The following RAB7A variants were observed in gnomAD, a reference collection of about 807,000 sequenced individuals.
RAB7A encodes ras-related protein Rab-7a.
RAB7A carries 2 observed loss-of-function variants against 24.5 expected under a neutral mutation model. The observed-to-expected ratio is 0.08, with a 90% CI of 0.03 to 0.26. The LOEUF is 0.26. Ranked by LOEUF, RAB7A falls within the 10% of genes least tolerant of loss-of-function variation. The probability of loss-of-function intolerance (pLI) is 1.00; values close to 1 mark genes in which losing one functional copy is unlikely to be tolerated. For missense variants in RAB7A, 118 were observed against 255.7 expected (o/e 0.46, Z 3.67); for synonymous variants, 100 against 95.9 (o/e 1.04, Z -0.25).
At chr3:128,745,985 C>T (rs1000910556) in intron 1 of RAB7A, among the ~76,000 whole-genome samples, 2 of 152,208 alleles carry the variant, frequency 1.3e-5, no homozygotes, top group East Asian at 1.9e-4. Flanking sequence ...GGCTGACCTG[C>T]CATGCTGTAT....
chr3:128,800,555 A>G (rs1933677039), intron 3 of RAB7A, among the ~76,000 whole-genome samples: 1 of 152,190 alleles, frequency 6.6e-6, no homozygotes, highest in Admixed American at 6.5e-5. Flanking sequence ...AATTCCAGGA[A>G]GGATAAATAA....
At chr3:128,746,319 C>A (rs572620469) in intron 1 of RAB7A, among the ~76,000 whole-genome samples, 1 of 152,150 alleles carries the variant, frequency 6.6e-6, no homozygotes, top group South Asian at 2.1e-4. Context: ...GTTACCCAGG[C>A]TAGAGTGCAG....
In RAB7A at chr3:128,814,049, G is replaced by C. The variant is rs570589054; in HGVS notation, c.*627G>C. 2.5e-5 allele frequency: 4 copies of C among 158,274 alleles called. No individual in the cohort carries two copies. The South Asian group carries it at 7.2e-4, about 29-fold the overall frequency. 9.8% of individuals were successfully genotyped at this position (158,274 alleles called of 1,614,324 possible). A position where few individuals can be genotyped will look rare whatever the true frequency, so the allele number is the denominator to read the frequency against. ...ATGCTTCTTAGAAAAGAATCTTATA[G>C]TACATGTTAATATATGCAACCAATT... On this transcript the variant is annotated 3_prime_UTR_variant, in exon 6 of 6. Transcript: ENST00000265062.
intron 1 of RAB7A, among the ~76,000 whole-genome samples, chr3:128,737,195 A>G (rs1244730862): frequency 5.3e-5 from 8 of 151,040 alleles, no homozygotes; most frequent in Non-Finnish European, 1.0e-4. Flanking sequence ...CCGCCACCAC[A>G]CACCTGGCTA....
chr3:128,794,358 C>A (rs1933523498), intron 1 of RAB7A, among the ~76,000 whole-genome samples: 1 of 152,164 alleles, frequency 6.6e-6, no homozygotes, highest in African/African-American at 2.4e-5. Flanking sequence ...TCTCTATATT[C>A]CCTATTCCAA....
chr3:128,773,643 A>ATTCT (rs1251796441), intron 1 of RAB7A, among the ~76,000 whole-genome samples: 1 of 152,258 alleles, frequency 6.6e-6, no homozygotes, highest in African/African-American at 2.4e-5. Context: ...GTTTTGCAGA[A>ATTCT]TAGAAAAGGG....
intron 1 of RAB7A, among the ~76,000 whole-genome samples, chr3:128,780,159 G>GTA (rs967000897): frequency 6.6e-6 from 1 of 152,186 alleles, no homozygotes; most frequent in Non-Finnish European, 1.5e-5. Context: ...CAGAGATGCT[G>GTA]TCTATAGGAA....
chr3:128,810,188 C>T lies in RAB7A; in HGVS notation c.528+2517C>T, dbSNP rs369330473. Among the ~76,000 whole-genome samples, 20 of 151,748 alleles carry T rather than the reference C, an allele frequency of 1.3e-4. 1 individual carries two copies. Among genetic ancestry groups the T allele is most frequent in the Admixed American group, 3.9e-4 (6 of 15,232 alleles). On this transcript the variant is annotated intron_variant, in intron 5 of 5. Coordinates refer to ENST00000265062, the MANE Select transcript of RAB7A (RefSeq NM_004637.6). ...CTGGTCTGGAACTCACATTGTGAAC[C>T]GCCCGCCTCAGCCTCCCAAAGTGCT...
intron 3 of RAB7A, chr3:128,799,246 C>CG (rs532373383): frequency 6.9e-6 from 1 of 145,622 alleles, no homozygotes; most frequent in Non-Finnish European, 1.5e-5. Context: ...CTGTTACTCA[C>CG]TTTTTTTTTT....
rs373993932 is a variant in RAB7A, at chr3:128,763,208, A to ATATT, written c.-8-32151_-8-32150insATTT. Reference sequence around the variant, plus strand: ...TTAGCTTATATATATATATATATATATTTTTTTTTTTTTTTTTTTTTTTTG... The same window carrying ATATT: ...TTAGCTTATATATATATATATATATATATTTTTTTTTTTTTTTTTTTTTTTTTTG... On this transcript the variant is annotated intron_variant, in intron 1 of 5. Coordinates refer to ENST00000265062, the MANE Select transcript of RAB7A (RefSeq NM_004637.6). 1.5e-3 allele frequency among the ~76,000 whole-genome samples: 112 copies of ATATT among 76,072 alleles called. 1 individual carries two copies. Among genetic ancestry groups the ATATT allele is most frequent in the Non-Finnish European group, 1.7e-3 (78 of 45,996 alleles). The allele number at this position is 76,072 out of a possible 152,430, so 49.9% of individuals were successfully genotyped here. A position where few individuals can be genotyped will look rare whatever the true frequency, so the allele number is the denominator to read the frequency against.
intron 1 of RAB7A, among the ~76,000 whole-genome samples, chr3:128,736,282 GGCAGAA>G (rs2070489043): frequency 6.6e-6 from 1 of 151,892 alleles, no homozygotes; most frequent in African/African-American, 2.4e-5. Context: ...CTTTAATAAT[GGCAGAA>G]GAATAATAGC....
At chr3:128,764,226 G>A (rs900943653) in intron 1 of RAB7A, among the ~76,000 whole-genome samples, 8 of 152,096 alleles carry the variant, frequency 5.3e-5, no homozygotes, top group African/African-American at 1.9e-4. Context: ...GATGAGTAGT[G>A]CAGTGACAGC....
chr3:128,805,396 G>A (rs1038936187), intron 3 of RAB7A, among the ~76,000 whole-genome samples: 5 of 152,054 alleles, frequency 3.3e-5, no homozygotes, highest in African/African-American at 1.2e-4. Context: ...TATCATGTTC[G>A]TCCGGCTCTG....
intron 5 of RAB7A, among the ~76,000 whole-genome samples, chr3:128,810,465 T>G (rs528602652): frequency 1.3e-5 from 2 of 152,286 alleles, no homozygotes; most frequent in South Asian, 2.1e-4. Flanking sequence ...AGACATTTTG[T>G]TTTCTCACAG....
intron 3 of RAB7A, 27 bp from the exon 4 acceptor site, chr3:128,806,345 A>G: frequency 6.3e-7 from 1 of 1,586,644 alleles, no homozygotes; most frequent in Non-Finnish European, 8.6e-7. Context: ...GCATTCTCCC[A>G]AGGAATGAAT....
chr3:128,728,572 C>T (rs923484902), intron 1 of RAB7A, among the ~76,000 whole-genome samples: 1 of 152,206 alleles, frequency 6.6e-6, no homozygotes, highest in African/African-American at 2.4e-5. Context: ...AAGCCATTCT[C>T]CTGCCTCAGC....
intron 1 of RAB7A, among the ~76,000 whole-genome samples, chr3:128,762,410 C>G (rs2070782184): frequency 6.6e-6 from 1 of 152,152 alleles, no homozygotes; most frequent in Admixed American, 6.5e-5. Context: ...ACCAAGCAAA[C>G]TGTTACTTAT....
intron 1 of RAB7A, among the ~76,000 whole-genome samples, chr3:128,732,614 A>C (rs1432519604): frequency 6.6e-6 from 1 of 152,134 alleles, no homozygotes; most frequent in African/African-American, 2.4e-5. Context: ...GGATTGCTTG[A>C]GCCCAGGAGT....
At chr3:128,784,775 G>A (rs112370031) in intron 1 of RAB7A, among the ~76,000 whole-genome samples, 3 of 152,226 alleles carry the variant, frequency 2.0e-5, no homozygotes, top group African/African-American at 7.2e-5. Flanking sequence ...TACCCTTAAA[G>A]TAAACTTAAC....
Sources: allele counts gnomAD v4.1 joint callset (sites outside exome capture counted in the v4.1 genomes callset), GRCh38; gene constraint gnomAD v4.1.1; transcripts MANE v1.5; gene names NCBI Gene and HGNC (gene_info 2026-07-23, HGNC 2026-07-21).